The following ATP8B4 variants were observed in gnomAD, a reference collection of about 807,000 sequenced individuals.
The protein encoded by ATP8B4 is ATPase phospholipid transporting 8B4 (putative).
Under a neutral mutation model 145.6 loss-of-function variants are expected in ATP8B4, and 133 were observed. The observed-to-expected ratio is 0.91, with a 90% CI of 0.79 to 1.05. The LOEUF (loss-of-function observed/expected upper bound fraction) is 1.05, where lower values mean the gene tolerates loss of function less well. ATP8B4 is among the 50% of genes least tolerant of loss of function. ATP8B4 has a pLI of 0.00. For missense variants in ATP8B4, 1,458 were observed against 1,425.2 expected (o/e 1.02, Z -0.37); for synonymous variants, 507 against 492.9 (o/e 1.03, Z -0.38).
chr15:50,147,838 C>T (rs1441911324), intron 1 of ATP8B4, among the ~76,000 whole-genome samples: 2 of 152,108 alleles, frequency 1.3e-5, no homozygotes, highest in Non-Finnish European at 2.9e-5. Flanking sequence ...CAGAAAATCA[C>T]CCTCTCAGAA....
chr15:50,158,769 C>A (rs1044779104), intron 1 of ATP8B4, among the ~76,000 whole-genome samples: 1 of 152,226 alleles, frequency 6.6e-6, no homozygotes, highest in African/African-American at 2.4e-5. Flanking sequence ...AAGAAAAATT[C>A]TTCTGCCTTG....
intron 7 of ATP8B4, among the ~76,000 whole-genome samples, chr15:50,003,529 T>A (rs4430689): frequency 6.6e-6 from 1 of 151,634 alleles, no homozygotes; most frequent in African/African-American, 2.4e-5. Context: ...AAACTACCCA[T>A]CCTGATTTTA....
chr15:50,149,123 T>C (rs1193770868), intron 1 of ATP8B4, among the ~76,000 whole-genome samples: 1 of 152,166 alleles, frequency 6.6e-6, no homozygotes, highest in Non-Finnish European at 1.5e-5. Context: ...TAAATGTGAA[T>C]GTGGTGGTGG....
chr15:49,867,864 A>G (rs1056585165), intron 25 of ATP8B4, among the ~76,000 whole-genome samples: 1 of 152,248 alleles, frequency 6.6e-6, no homozygotes, highest in Non-Finnish European at 1.5e-5. Flanking sequence ...ACCAAAGAAT[A>G]GTCAATGAAT....
intron 23 of ATP8B4, among the ~76,000 whole-genome samples, chr15:49,893,609 T>A (rs1001765457): frequency 1.3e-5 from 2 of 152,086 alleles, no homozygotes; most frequent in African/African-American, 2.4e-5. Flanking sequence ...GGAAAACTCA[T>A]AGAAAAAGAA....
At chr15:49,917,077 C>T (rs1325274945) in intron 19 of ATP8B4, 38 bp from the exon 20 acceptor site, 3 of 1,586,108 alleles carry the variant, frequency 1.9e-6, no homozygotes, top group Non-Finnish European at 2.6e-6. Context: ...TAAAATGTTA[C>T]TTAATAACCT....
intron 26 of ATP8B4, among the ~76,000 whole-genome samples, chr15:49,864,136 T>C (rs1471986717): frequency 6.6e-6 from 1 of 152,250 alleles, no homozygotes; most frequent in Non-Finnish European, 1.5e-5. Flanking sequence ...AGTTGGAATC[T>C]TTTGGTAAAC....
At chr15:50,147,797 C>T (rs2153680523) in intron 1 of ATP8B4, among the ~76,000 whole-genome samples, 1 of 152,164 alleles carries the variant, frequency 6.6e-6, no homozygotes, top group Middle Eastern at 3.4e-3. Flanking sequence ...GAAAAGATGC[C>T]AATGAATGCA....
intron 2 of ATP8B4, among the ~76,000 whole-genome samples, chr15:50,101,732 A>G (rs886106784): frequency 2.6e-5 from 4 of 152,132 alleles, no homozygotes; most frequent in African/African-American, 9.7e-5. Flanking sequence ...TATACCCTAA[A>G]ACAGATGGAC....
At chr15:49,970,060 A>T (rs1425361104) in intron 13 of ATP8B4, among the ~76,000 whole-genome samples, 1 of 152,178 alleles carries the variant, frequency 6.6e-6, no homozygotes, top group Non-Finnish European at 1.5e-5. Flanking sequence ...GGCCTTTGAT[A>T]AAATTCAGCA....
intron 1 of ATP8B4, among the ~76,000 whole-genome samples, chr15:50,164,094 AC>A (rs2044561614): frequency 6.6e-6 from 1 of 152,060 alleles, no homozygotes; most frequent in Non-Finnish European, 1.5e-5. Context: ...GGAGTCAGGG[AC>A]CCCAGGAGCC....
intron 23 of ATP8B4, among the ~76,000 whole-genome samples, chr15:49,892,924 G>A (rs2036987593): frequency 6.6e-6 from 1 of 152,122 alleles, no homozygotes; most frequent in African/African-American, 2.4e-5. Flanking sequence ...TAACTAAAGG[G>A]AGAGACAAAA....
intron 6 of ATP8B4, among the ~76,000 whole-genome samples, chr15:50,023,473 C>T (rs751808229): frequency 4.6e-5 from 7 of 152,120 alleles, no homozygotes; most frequent in Non-Finnish European, 1.0e-4. Context: ...TTTGCATAAA[C>T]TCTAATCCCT....
chr15:49,955,119 A>G (rs2153499457), intron 14 of ATP8B4, among the ~76,000 whole-genome samples: 1 of 152,326 alleles, frequency 6.6e-6, no homozygotes, highest in African/African-American at 2.4e-5. Context: ...GAAGCTAAAC[A>G]TTGGGCACAC....
chr15:49,978,647 G>A (rs2045879203), intron 12 of ATP8B4, among the ~76,000 whole-genome samples: 1 of 151,874 alleles, frequency 6.6e-6, no homozygotes. Flanking sequence ...TAGCTCCAAT[G>A]TTTTGGGGAC....
rs1402827914 is a variant in ATP8B4 at position 50,010,842 on chromosome 15, T to TA, written c.435+2dup. The TA allele has an allele frequency of 6.5e-7, 1 of 1,532,028 alleles. No individual in the cohort carries two copies. Among genetic ancestry groups the TA allele is most frequent in the South Asian group, 1.2e-5 (1 of 82,934 alleles). The allele number at this position is 1,532,028 out of a possible 1,614,324, so 94.9% of individuals were successfully genotyped here. ...AATTATTCAAACAATATTGAATACT[T>TA]ACAGCAACAAATTGGTTATTTTCTA... On this transcript the variant is annotated splice_region_variant and intron_variant, in intron 7 of 27. Transcript: ENST00000284509.
chr15:49,903,550 AAG>A (rs2038280136), intron 20 of ATP8B4, among the ~76,000 whole-genome samples: 1 of 152,224 alleles, frequency 6.6e-6, no homozygotes, highest in Non-Finnish European at 1.5e-5. Context: ...GGTTGGAAAA[AAG>A]AGTCGTTTAG....
intron 1 of ATP8B4, among the ~76,000 whole-genome samples, chr15:50,155,270 A>T (rs2153681179): frequency 6.6e-6 from 1 of 152,268 alleles, no homozygotes; most frequent in Admixed American, 6.5e-5. Flanking sequence ...TTGCACAAAC[A>T]AAGATCACTG....
intron 13 of ATP8B4, among the ~76,000 whole-genome samples, chr15:49,968,584 T>C (rs2044779386): frequency 3.9e-5 from 6 of 152,202 alleles, no homozygotes. Flanking sequence ...CTATCCTAAA[T>C]ATATATGCAT....
Sources: allele counts gnomAD v4.1 joint callset (sites outside exome capture counted in the v4.1 genomes callset), GRCh38; gene constraint gnomAD v4.1.1; transcripts MANE v1.5; gene names NCBI Gene and HGNC (gene_info 2026-07-23, HGNC 2026-07-21).